The following TBC1D14 variants were observed in gnomAD, a reference collection of about 807,000 sequenced individuals.
TBC1D14 encodes TBC1 domain family, member 14.
Under a neutral mutation model 79.0 loss-of-function variants are expected in TBC1D14, and 26 were observed. That is an observed-to-expected ratio of 0.33 (90% confidence interval 0.24 to 0.46). The LOEUF (loss-of-function observed/expected upper bound fraction) is 0.46. TBC1D14 is among the 20% of genes least tolerant of loss of function. The pLI is 1.00. For synonymous variants in TBC1D14, 394 were observed against 349.9 expected, an observed-to-expected ratio of 1.13 and a Z score of -1.40; for missense variants, 769 against 887.6, an observed-to-expected ratio of 0.87 and a Z score of 1.70.
At chr4:6,960,083 T>TTTC (rs1715046394) in intron 2 of TBC1D14, among the ~76,000 whole-genome samples, 1 of 104,304 alleles carries the variant, frequency 9.6e-6, no homozygotes, top group South Asian at 2.5e-4. Context: ...CTGTGCCCCT[T>TTTC]TTTTTTTTTT....
chr4:6,949,289 A>G (rs1713792458), intron 2 of TBC1D14, among the ~76,000 whole-genome samples: 2 of 152,128 alleles, frequency 1.3e-5, no homozygotes, highest in Admixed American at 6.5e-5. Flanking sequence ...TCATTTCTAT[A>G]TAGATTTTAG....
At chr4:6,963,273 G>A (rs1193330575) in intron 2 of TBC1D14, among the ~76,000 whole-genome samples, 1 of 152,268 alleles carries the variant, frequency 6.6e-6, no homozygotes, top group African/African-American at 2.4e-5. Context: ...TGTCAGAGAT[G>A]GTGGCTATGG....
intron 2 of TBC1D14, among the ~76,000 whole-genome samples, chr4:6,947,233 C>G (rs1713560792): frequency 6.6e-6 from 1 of 152,108 alleles, no homozygotes; most frequent in Non-Finnish European, 1.5e-5. Context: ...CGCGGTGGCT[C>G]AAGCCTGTAA....
chr4:6,948,706 G>GT (rs1266983982), intron 2 of TBC1D14, among the ~76,000 whole-genome samples: 5 of 139,346 alleles, frequency 3.6e-5, no homozygotes, highest in South Asian at 2.2e-4. Context: ...AGGGGTACTT[G>GT]GTTTTTTTTT....
intron 3 of TBC1D14, among the ~76,000 whole-genome samples, chr4:6,969,487 G>A (rs935483017): frequency 6.6e-6 from 1 of 151,830 alleles, no homozygotes; most frequent in Non-Finnish European, 1.5e-5. Flanking sequence ...CTCGCTGCAC[G>A]CTCCGCCTCC....
chr4:6,972,118 A>G (rs1441502122), intron 3 of TBC1D14, among the ~76,000 whole-genome samples: 1 of 152,150 alleles, frequency 6.6e-6, no homozygotes, highest in Non-Finnish European at 1.5e-5. Flanking sequence ...TCTTTCTTGG[A>G]TTCCATGGCC....
chr4:7,027,445 T>C (rs537221215), intron 13 of TBC1D14, among the ~76,000 whole-genome samples: 50 of 92,586 alleles, frequency 5.4e-4, no homozygotes, highest in African/African-American at 2.0e-3. Context: ...ACCCCACACA[T>C]AGACACGCAC....
At chr4:6,910,078 G>C (rs1722847274) in intron 1 of TBC1D14, 127 bp downstream of exon 1, 1 of 149,188 alleles carries the variant, frequency 6.7e-6, no homozygotes, top group African/African-American at 2.4e-5. Context: ...CGCCGGGCGC[G>C]GGTCCTGCTG....
chr4:6,929,766 G>C (rs1377256852), intron 2 of TBC1D14, among the ~76,000 whole-genome samples: 1 of 152,228 alleles, frequency 6.6e-6, no homozygotes, highest in African/African-American at 2.4e-5. Flanking sequence ...TGATGAGAAT[G>C]AGTTAAACTG....
intron 12 of TBC1D14, among the ~76,000 whole-genome samples, chr4:7,023,111 G>C (rs763617313): frequency 9.2e-5 from 14 of 151,936 alleles, no homozygotes; most frequent in South Asian, 2.1e-4. Context: ...AAAATTAGCC[G>C]GGCATGGTCG....
chr4:6,913,605 AGAG>A (rs1723169243), intron 1 of TBC1D14, among the ~76,000 whole-genome samples: 1 of 152,218 alleles, frequency 6.6e-6, no homozygotes, highest in Non-Finnish European at 1.5e-5. Flanking sequence ...TGTGATTATT[AGAG>A]CATGTGATGG....
At chr4:6,956,725 C>G (rs1258788524) in intron 2 of TBC1D14, among the ~76,000 whole-genome samples, 1 of 152,246 alleles carries the variant, frequency 6.6e-6, no homozygotes, top group Non-Finnish European at 1.5e-5. Flanking sequence ...TCAGCCAATG[C>G]AGGTGATACG....
At chr4:6,977,294 T>C (rs1463425413) in intron 3 of TBC1D14, among the ~76,000 whole-genome samples, 1 of 148,456 alleles carries the variant, frequency 6.7e-6, no homozygotes, top group African/African-American at 2.5e-5. Flanking sequence ...CTGGTTTTCG[T>C]ATTTTTTTGG....
rs138517435 is a variant in TBC1D14, at chr4:7,011,898, A to G, written c.1647+1117A>G. ...GCTGATAATTATTACCAGTACTTCAAGACTAAAATGATCTAATACTTTAGA... is the reference window on the plus strand; with the variant it reads ...GCTGATAATTATTACCAGTACTTCAGGACTAAAATGATCTAATACTTTAGA... On this transcript the variant is annotated intron_variant, in intron 11 of 13. Coordinates refer to ENST00000409757, the MANE Select transcript of TBC1D14 (RefSeq NM_020773.3). 4.2e-3 allele frequency among the ~76,000 whole-genome samples: 633 copies of G among 152,210 alleles called. 5 individuals carry two copies. The highest frequency in any genetic ancestry group is 0.014 in the African/African-American group (578 of 41,534).
At chr4:6,960,918 G>C (rs1456049073) in intron 2 of TBC1D14, among the ~76,000 whole-genome samples, 1 of 152,180 alleles carries the variant, frequency 6.6e-6, no homozygotes, top group African/African-American at 2.4e-5. Context: ...ACGCGTACCT[G>C]ACTACTCTTG....
intron 9 of TBC1D14, among the ~76,000 whole-genome samples, chr4:7,008,160 A>G (rs1720399909): frequency 2.0e-5 from 3 of 152,230 alleles, no homozygotes; most frequent in Admixed American, 2.0e-4. Flanking sequence ...CTGAAAGACA[A>G]CTAAATCCAA....
In TBC1D14 at chr4:7,010,801, G is replaced by A. The variant is rs746619359; in HGVS notation, c.1647+20G>A. On this transcript the variant is annotated intron_variant, in intron 11 of 13. Transcript: ENST00000409757. ...GGCCTTGTGAGTATCCTCTGTGTTC[G>A]GGCCCTGGGTACTGTGTCTTTAAAT... 3.7e-6 allele frequency: 6 copies of A among 1,610,306 alleles called. No homozygotes were observed. Among genetic ancestry groups the A allele is most frequent in the African/African-American group, 1.3e-5 (1 of 74,718 alleles).
intron 12 of TBC1D14, among the ~76,000 whole-genome samples, chr4:7,023,225 C>T (rs1722007534): frequency 6.6e-6 from 1 of 152,204 alleles, no homozygotes; most frequent in African/African-American, 2.4e-5. Context: ...TACTGCACTC[C>T]AGCCTGGGCG....
At chr4:7,007,316 A>C (rs952268944) in intron 9 of TBC1D14, among the ~76,000 whole-genome samples, 13 of 152,230 alleles carry the variant, frequency 8.5e-5, no homozygotes, top group Non-Finnish European at 1.3e-4. Flanking sequence ...CCTCCTGGGC[A>C]TCTGAACACA....
Sources: allele counts gnomAD v4.1 joint callset (sites outside exome capture counted in the v4.1 genomes callset), GRCh38; gene constraint gnomAD v4.1.1; transcripts MANE v1.5; gene names NCBI Gene and HGNC (gene_info 2026-07-23, HGNC 2026-07-21).